The following INTS1 variants were observed in gnomAD, a reference collection of about 807,000 sequenced individuals.
INTS1 encodes the protein integrator complex subunit 1.
INTS1 carries 137 observed loss-of-function variants against 241.6 expected under a neutral mutation model. That is an observed-to-expected ratio of 0.57 (90% CI 0.49 to 0.65). The LOEUF is 0.65. INTS1 is among the 30% of genes least tolerant of loss of function. INTS1 has a pLI of 0.00. For synonymous variants in INTS1, 1,692 were observed against 1,337.8 expected, an observed-to-expected ratio of 1.26 and a Z score of -5.78; for missense variants, 3,073 against 3,032.2, an observed-to-expected ratio of 1.01 and a Z score of -0.32.
intron 14 of INTS1, 49 bp downstream of exon 14, chr7:1,494,767 A>G: frequency 6.5e-7 from 1 of 1,534,278 alleles, no homozygotes; most frequent in Non-Finnish European, 8.8e-7. Context: ...GGCACCCCGC[A>G]GCCCCGCCCA....
intron 44 of INTS1, 61 bp from the exon 45 acceptor site, chr7:1,471,702 AC>A: frequency 6.5e-7 from 1 of 1,528,188 alleles, no homozygotes. Flanking sequence ...TGCCCACCCC[AC>A]CCCAGCCACC....
Position 1,481,443 on chromosome 7 carries a change from G to A in INTS1, c.3749C>T (p.Ser1250Leu), listed in dbSNP as rs1375725899. 3 of 1,612,218 alleles carry A rather than the reference G, an allele frequency of 1.9e-6. No individual in the cohort carries two copies. The highest frequency in any genetic ancestry group is 2.2e-5 in the East Asian group (1 of 44,854). Residue 1250 changes from serine to leucine, a missense_variant, in exon 28 of 48, where the codon TCG (serine) becomes TTG (leucine). By Grantham distance (145) the Ser-to-Leu change is moderately radical. Transcript: ENST00000404767. This position sits in a 1 kb window ranked among gnomAD's most constrained non-coding sequence, Gnocchi z 6.8. Reference sequence around the variant, plus strand: ...CATGCTGGACACGGGGATGCCAAACGACTGCACGAACAGCAGCAGCTGCTG... The same window carrying A: ...CATGCTGGACACGGGGATGCCAAACAACTGCACGAACAGCAGCAGCTGCTG... ...EPQQLLLFVQ[S>L]FGIPVSSMSK...
chr7:1,472,658 G>A (rs971316267), intron 43 of INTS1, among the ~76,000 whole-genome samples: 4 of 152,198 alleles, frequency 2.6e-5, no homozygotes, highest in Non-Finnish European at 5.9e-5. Flanking sequence ...CTTGGGACCC[G>A]GGCCTGGCGC....
At chr7:1,495,368 G>A (rs570699293) in intron 13 of INTS1, 65 bp downstream of exon 13, 20 of 1,552,314 alleles carry the variant, frequency 1.3e-5, no homozygotes, top group Admixed American at 5.5e-5. Flanking sequence ...GGGGTTGTGC[G>A]GGGCCCCGGC....
At position 1,476,873 on chromosome 7, in the gene INTS1, T is replaced by C. The variant is rs762546680; in HGVS notation, c.4984A>G (p.Thr1662Ala). ...CAGCTGGACTGATGCGTGAAGAGGG[T>C]CAGGAGGTAGGGACGGAACGAGGGC... ...QVPSFRPYLL[T>A]LFTHQSSWPT... The change falls in exon 36 of 48, where the codon ACC becomes GCC. Residue 1662 changes from threonine to alanine, a missense_variant. By Grantham distance (58) the Thr-to-Ala change is moderately conservative. Transcript: ENST00000404767. The C allele has an allele frequency of 1.2e-6, 2 of 1,612,492 alleles. No individual in the cohort carries two copies. The highest frequency in any genetic ancestry group is 8.5e-7 in the Non-Finnish European group (1 of 1,179,728).
intron 30 of INTS1, 44 bp from the exon 31 acceptor site, chr7:1,479,728 G>A: frequency 7.0e-7 from 1 of 1,438,180 alleles, no homozygotes. Context: ...GGAGGAGAAG[G>A]AGGAGGAGCG....
intron 14 of INTS1, 60 bp downstream of exon 14, chr7:1,494,756 C>A (rs1002599733): frequency 3.3e-6 from 5 of 1,515,948 alleles, no homozygotes; most frequent in African/African-American, 2.8e-5. Context: ...GCAGCCGGCC[C>A]GGCACCCCGC....
At chr7:1,487,509 C>G in intron 19 of INTS1, 60 bp from the exon 20 acceptor site, 6 of 1,556,044 alleles carry the variant, frequency 3.9e-6, no homozygotes, top group Non-Finnish European at 4.4e-6. Context: ...CCCCAGAACC[C>G]CTCCTCCTCC....
At chr7:1,494,994 C>G (rs1244011827) in intron 13 of INTS1, 101 bp from the exon 14 acceptor site, 1 of 1,394,028 alleles carries the variant, frequency 7.2e-7, no homozygotes, top group Non-Finnish European at 9.8e-7. Flanking sequence ...CCCCAGCGCT[C>G]AGAGGCCGGG....
At position 1,473,775 on chromosome 7, in the gene INTS1, C is replaced by T. The variant is rs376345955; in HGVS notation, c.5830-82G>A. The T allele has an allele frequency of 2.4e-4, 378 of 1,555,772 alleles. No individual in the cohort carries two copies. In the African/African-American group the frequency reaches 3.0e-3, roughly 12 times the overall value. On this transcript the variant is annotated intron_variant, in intron 41 of 47. Transcript: ENST00000404767. ...CCTGTGCTCCCATCTGCTCCCAGAG[C>T]CTCAGGGCATGGACCCCACAGCCAA...
chr7:1,474,342 C>A lies in INTS1; in HGVS notation c.5655G>T (p.Ala1885=). 6.2e-7 allele frequency: 1 copy of A among 1,601,272 alleles called. No individual in the cohort carries two copies. ...GGTGGGTGCGGCCGTGCAGGAGCGC[C>A]GCGATCATGGGCAGGTGCCTGCGGG... ...LLLLRHLPMI[A]ALLHGRTHLN... is the part of the protein sequence containing the mutation. Residue 1885 remains alanine, a synonymous_variant, in exon 41 of 48, where the codon GCG becomes GCT. Transcript: ENST00000404767.
At chr7:1,485,801 C>T (rs1371695162) in intron 22 of INTS1, among the ~76,000 whole-genome samples, 1 of 152,190 alleles carries the variant, frequency 6.6e-6, no homozygotes, top group African/African-American at 2.4e-5. Flanking sequence ...ACTGAACACT[C>T]ATTTGATTTT....
chr7:1,476,503 G>T, intron 37 of INTS1, 48 bp from the exon 38 acceptor site: 1 of 1,600,942 alleles, frequency 6.2e-7, no homozygotes, highest in South Asian at 1.1e-5. Context: ...GCCTCTCCCG[G>T]ATGGGCCACC....
At chr7:1,474,514 C>T (rs375776173) in intron 40 of INTS1, among the ~76,000 whole-genome samples, 154 bp from the exon 41 acceptor site, 56 of 152,348 alleles carry the variant, frequency 3.7e-4, no homozygotes, top group East Asian at 3.7e-3. Context: ...GATCGCCCCT[C>T]TCTGAGGCCC....
At position 1,496,158 on chromosome 7, in the gene INTS1, C is replaced by G; in HGVS notation, c.1709G>C (p.Arg570Thr). 1 of 1,613,472 alleles carries G rather than the reference C, an allele frequency of 6.2e-7. No homozygotes were observed. The highest frequency in any genetic ancestry group is 1.1e-5 in the South Asian group (1 of 91,082). The stretch of plus-strand genomic sequence containing the variant: ...CCAGGCCACCCCCACATCCTTACTC[C>G]TCTTTTCTCCTTTGTCCCAGGCGAT... ...AGIAWDKGEKRNLEVLRSFQN... is the reference protein window; with the variant it reads ...AGIAWDKGEKTNLEVLRSFQN... Residue 570 changes from arginine to threonine, a missense_variant and splice_region_variant, in exon 12 of 48, where the codon AGG (arginine) becomes ACG (threonine). By Grantham distance (71) the Arg-to-Thr change is moderately conservative. Transcript: ENST00000404767.
intron 14 of INTS1, chr7:1,494,582 G>A: frequency 1.7e-6 from 1 of 587,092 alleles, no homozygotes; most frequent in Non-Finnish European, 3.0e-6. Context: ...GCTGCGGCTG[G>A]GGCTTGGAGT....
At chr7:1,491,124 C>G (rs555292289) in intron 16 of INTS1, among the ~76,000 whole-genome samples, 2 of 152,222 alleles carry the variant, frequency 1.3e-5, no homozygotes, top group Non-Finnish European at 2.9e-5. Context: ...ATAACATTCC[C>G]GGGAGAAAAC....
At chr7:1,485,674 T>G in intron 22 of INTS1, 1 of 602,016 alleles carries the variant, frequency 1.7e-6, no homozygotes, top group Non-Finnish European at 2.9e-6. Flanking sequence ...GAAGCCACTC[T>G]GGACCCTCCC....
chr7:1,498,424 C>A lies in INTS1; in HGVS notation c.1413G>T (p.Glu471Asp), dbSNP rs755260533. The part of the protein sequence containing the change: ...VLYTALQHSS[E>D]LAPKFLAMVF... ...ACCCTGGGCCTACCTTGGGCGCCAG[C>A]TCTGAGCTGTGCTGCAGTGCGGTAT... The change falls in exon 10 of 48, where the codon GAG (glutamate) becomes GAT (aspartate). Residue 471 changes from glutamate to aspartate, a missense_variant. Transcript: ENST00000404767. The A allele has an allele frequency of 1.9e-6, 3 of 1,613,716 alleles. No individual in the cohort carries two copies. The highest frequency in any genetic ancestry group is 2.5e-6 in the Non-Finnish European group (3 of 1,179,860).
Sources: gnomAD v4.1 joint callset for allele counts (sites outside exome capture counted in the v4.1 genomes callset) on GRCh38, gnomAD v4.1.1 for gene constraint, Gnocchi (gnomAD v3.1) non-coding constraint, MANE v1.5 for transcripts, NCBI Gene and HGNC (gene_info 2026-07-23, HGNC 2026-07-21) for gene names.